The following PTGES3L variants were observed in gnomAD, a reference collection of about 807,000 sequenced individuals.
PTGES3L encodes the protein putative protein PTGES3L.
In PTGES3L, 17 loss-of-function variants were observed where a neutral mutation model predicts 25.0. The observed-to-expected ratio is 0.68, with a 90% CI of 0.47 to 1.02. The LOEUF (loss-of-function observed/expected upper bound fraction) is 1.02. Ranked by LOEUF, PTGES3L falls within the 50% of genes least tolerant of loss-of-function variation. The pLI, the probability that PTGES3L is intolerant of heterozygous loss-of-function variation, is 0.00. For missense variants in PTGES3L, 202 were observed against 197.5 expected, an observed-to-expected ratio of 1.02 and a Z score of -0.14; for synonymous variants, 59 against 65.7, an observed-to-expected ratio of 0.90 and a Z score of 0.50.
In PTGES3L at chr17:42,971,621, C is replaced by T. The variant is rs1286566552; in HGVS notation, c.364G>A (p.Glu122Lys). The change falls in exon 5 of 7, where the codon GAA becomes AAA. Residue 122 changes from glutamate (E) to lysine (K), a missense_variant. Coordinates refer to ENST00000591916, the MANE Select transcript of PTGES3L (RefSeq NM_001261430.2). ...GDEEMELAHVEHYAELLKKVS... is the reference protein window; with the variant it reads ...GDEEMELAHVKHYAELLKKVS... The stretch of plus-strand genomic sequence containing the variant: ...TTGTCTCTCACCTCTGCATAATGTT[C>T]CACATGAGCCAGCTCCATCTCTTCA... 2 of 1,614,042 alleles carry T rather than the reference C, an allele frequency of 1.2e-6. No individual in the cohort carries two copies. Among genetic ancestry groups the T allele is most frequent in the Non-Finnish European group, 8.5e-7 (1 of 1,179,998 alleles).
At chr17:42,975,135 CAA>C (rs11398866) in intron 4 of PTGES3L, among the ~76,000 whole-genome samples, 1 of 97,030 alleles carries the variant, frequency 1.0e-5, no homozygotes, top group African/African-American at 4.1e-5. Flanking sequence ...CATCCTGTCT[CAA>C]AAAAAAAAAA....
At chr17:42,971,307 G>C (rs982664124) in intron 5 of PTGES3L, among the ~76,000 whole-genome samples, 2 of 84,568 alleles carry the variant, frequency 2.4e-5, no homozygotes, top group African/African-American at 4.1e-5. Context: ...CACACACACA[G>C]AAAACAGTAG....
intron 4 of PTGES3L, among the ~76,000 whole-genome samples, chr17:42,978,251 A>G (rs1044898806): frequency 2.0e-5 from 3 of 152,012 alleles, no homozygotes; most frequent in African/African-American, 7.3e-5. Context: ...TACTAAAAAT[A>G]CAAAAATTAG....
rs925738912 is a variant in PTGES3L, at chr17:42,968,792, C to A, written c.*356G>T. The A allele has an allele frequency of 9.1e-6, 2 of 219,206 alleles. No homozygotes were observed. Among genetic ancestry groups the A allele is most frequent in the African/African-American group, 2.3e-5 (1 of 43,954 alleles). 13.6% of individuals were successfully genotyped at this position (219,206 alleles called of 1,614,324 possible). ...CTTTTTGCTTTGCCCCATATGCACA[C>A]ATAGTAGAGATTTCTATAATCTGCA... On this transcript the variant is annotated 3_prime_UTR_variant, in exon 7 of 7. Transcript: ENST00000591916.
At chr17:42,969,265 C>T (rs930134411) in intron 6 of PTGES3L, 79 bp from the exon 7 acceptor site, 4 of 862,618 alleles carry the variant, frequency 4.6e-6, no homozygotes, top group Non-Finnish European at 7.1e-6. Context: ...AATACTGCTT[C>T]CTCTCTCCTG....
chr17:42,976,762 AAGG>A (rs1237900183), intron 4 of PTGES3L, among the ~76,000 whole-genome samples: 3 of 152,296 alleles, frequency 2.0e-5, no homozygotes, highest in Admixed American at 1.3e-4. Flanking sequence ...TTCAACCTTT[AAGG>A]AGGAGACGAC....
chr17:42,973,193 G>A, intron 4 of PTGES3L, among the ~76,000 whole-genome samples: 1 of 83,980 alleles, frequency 1.2e-5, no homozygotes, highest in Admixed American at 1.3e-4. Flanking sequence ...AGGGAGGTGG[G>A]GGGGGGTCAG....
chr17:42,968,901 A>T lies in PTGES3L; in HGVS notation c.*247T>A, dbSNP rs2049779123. 2.2e-6 allele frequency: 1 copy of T among 460,512 alleles called. No homozygotes were observed. The highest frequency in any genetic ancestry group is 1.9e-5 in the African/African-American group (1 of 51,514). 28.5% of individuals were successfully genotyped at this position (460,512 alleles called of 1,614,324 possible). On this transcript the variant is annotated 3_prime_UTR_variant, in exon 7 of 7. Transcript: ENST00000591916. ...TAAACACAGAGATTAGAAACCAATC[A>T]GTAAGAAATCAGAAGCCCTACCAGT...
intron 4 of PTGES3L, among the ~76,000 whole-genome samples, chr17:42,974,772 CAAAAAA>C (rs35782715): frequency 1.7e-5 from 2 of 120,120 alleles, no homozygotes; most frequent in Non-Finnish European, 1.8e-5. Context: ...GACTCTGTCT[CAAAAAA>C]AAAAAAAAAA....
chr17:42,978,089 A>AAAAAAAAAAAAAAAAAAAAAAAAAC (rs2049994112), intron 4 of PTGES3L, among the ~76,000 whole-genome samples: 1 of 149,400 alleles, frequency 6.7e-6, no homozygotes, highest in African/African-American at 2.5e-5. Context: ...AAAAAAAAAA[A>AAAAAAAAAAAAAAAAAAAAAAAAAC]AAAAAAAAAA....
At chr17:42,970,408 G>T in intron 5 of PTGES3L, 66 bp from the exon 6 acceptor site, 1 of 1,588,698 alleles carries the variant, frequency 6.3e-7, no homozygotes, top group South Asian at 1.1e-5. Context: ...GCACATTGAT[G>T]GTCCATAGAA....
intron 4 of PTGES3L, among the ~76,000 whole-genome samples, chr17:42,974,287 C>T (rs1471212770): frequency 6.2e-5 from 9 of 145,256 alleles, no homozygotes; most frequent in South Asian, 2.3e-4. Flanking sequence ...TTGAACCTGG[C>T]AGGTGGAAGC....
chr17:42,979,787 A>C, intron 1 of PTGES3L, 124 bp from the exon 2 acceptor site: 1 of 1,431,688 alleles, frequency 7.0e-7, no homozygotes, highest in Non-Finnish European at 9.5e-7. Flanking sequence ...AATGAGACAG[A>C]AGGGGTGAAA....
At position 42,968,289 on chromosome 17, in the gene PTGES3L, G is replaced by A. The variant is rs1220086399; in HGVS notation, c.*859C>T. On this transcript the variant is annotated 3_prime_UTR_variant, in exon 7 of 7. Coordinates refer to ENST00000591916, the MANE Select transcript of PTGES3L (RefSeq NM_001261430.2). ...CTCATACATGTAATCCTAGCACTTT[G>A]GGAGGCTGAGGTGGGTGGATTACTT... The A allele has an allele frequency of 2.6e-5, 4 of 152,004 alleles. No individual in the cohort carries two copies. The highest frequency in any genetic ancestry group is 5.9e-5 in the Non-Finnish European group (4 of 68,030). 9.4% of individuals were successfully genotyped at this position (152,004 alleles called of 1,614,324 possible).
chr17:42,978,087 A>AAAC (rs1268780988), intron 4 of PTGES3L, among the ~76,000 whole-genome samples: 1 of 149,048 alleles, frequency 6.7e-6, no homozygotes, highest in Non-Finnish European at 1.5e-5. Context: ...CAAAAAAAAA[A>AAAC]AAAAAAAAAA....
chr17:42,973,258 CG>C (rs2049888553), intron 4 of PTGES3L, among the ~76,000 whole-genome samples: 1 of 128,330 alleles, frequency 7.8e-6, no homozygotes, highest in Non-Finnish European at 1.7e-5. Flanking sequence ...GTCAGCCCCC[CG>C]CCCGGCCAGC....
At position 42,979,194 on chromosome 17, in the gene PTGES3L, C is replaced by T. The variant is rs150067657; in HGVS notation, c.264G>A (p.Pro88=). The part of the protein sequence containing the change: ...VRKWKEKVAW[P]RLTKEDIKPV... ...CCTTGATATCCTCCTTGGTAAGCCG[C>T]GGCCAGGCCACCTTTTCCTTCCATT... The change falls in exon 4 of 7, where the codon CCG becomes CCA. Residue 88 remains proline, a synonymous_variant. Coordinates refer to ENST00000591916, the MANE Select transcript of PTGES3L (RefSeq NM_001261430.2). 2.5e-5 allele frequency: 40 copies of T among 1,613,998 alleles called. No homozygotes were observed. The highest frequency in any genetic ancestry group is 8.3e-5 in the Admixed American group (5 of 59,986).
chr17:42,972,232 C>G (rs1403434601), intron 4 of PTGES3L: 1 of 154,540 alleles, frequency 6.5e-6, no homozygotes, highest in Non-Finnish European at 1.4e-5. Flanking sequence ...CTCCAGGAGC[C>G]GATTGACTGA....
chr17:42,977,053 G>T (rs556131050), intron 4 of PTGES3L, among the ~76,000 whole-genome samples: 3 of 152,304 alleles, frequency 2.0e-5, no homozygotes, highest in East Asian at 3.9e-4. Flanking sequence ...CACCCTGGGA[G>T]GCTGAGGCAG....
Sources: allele counts gnomAD v4.1 joint callset (sites outside exome capture counted in the v4.1 genomes callset), GRCh38; gene constraint gnomAD v4.1.1; transcripts MANE v1.5; gene names NCBI Gene and HGNC (gene_info 2026-07-23, HGNC 2026-07-21).